The following PCNX2 variants were observed in gnomAD, a reference collection of about 807,000 sequenced individuals.
PCNX2 encodes the protein pecanex-like protein 2.
PCNX2 carries 168 observed loss-of-function variants against 223.8 expected under a neutral mutation model. That is an observed-to-expected ratio of 0.75 (90% CI 0.66 to 0.85). PCNX2 has a LOEUF of 0.85. PCNX2 is among the 40% of genes least tolerant of loss of function. The probability of loss-of-function intolerance (pLI) is 0.00; values close to 1 mark genes in which losing one functional copy is unlikely to be tolerated. For synonymous variants in PCNX2, 1,006 were observed against 1,052.6 expected (o/e 0.96, Z 0.86); for missense variants, 2,507 against 2,675.5 (o/e 0.94, Z 1.39).
intron 1 of PCNX2, among the ~76,000 whole-genome samples, chr1:233,266,290 T>A (rs76009896): frequency 0.19 from 29,441 of 152,028 alleles, 2,865 homozygotes; most frequent in South Asian, 0.25. Context: ...GGAGGATCTC[T>A]TGAGCCCAGG....
intron 17 of PCNX2, among the ~76,000 whole-genome samples, chr1:233,163,857 T>C (rs1678641588): frequency 6.6e-6 from 1 of 152,160 alleles, no homozygotes; most frequent in South Asian, 2.1e-4. Flanking sequence ...CATGGTGTCG[T>C]CTGTGTCAAC....
rs1210857192 is a variant in PCNX2, at chr1:233,253,692, C to T, written c.1835-904G>A. ...TTAGCACTGTGTAGGACACAGAGAG[C>T]TACAATACCTATTCCTTGCCCTGAG... On this transcript the variant is annotated intron_variant, in intron 5 of 33. Transcript: ENST00000258229. The surrounding 1 kb of genome is among the most constrained non-coding windows in gnomAD (Gnocchi z 4.2). Among the ~76,000 whole-genome samples the T allele has an allele frequency of 6.6e-6, 1 of 152,168 alleles. No individual in the cohort carries two copies. Among genetic ancestry groups the T allele is most frequent in the African/African-American group, 2.4e-5 (1 of 41,446 alleles).
chr1:232,994,727 G>C (rs1669817051), intron 32 of PCNX2, among the ~76,000 whole-genome samples: 1 of 152,204 alleles, frequency 6.6e-6, no homozygotes, highest in African/African-American at 2.4e-5. Flanking sequence ...GATCATGGGG[G>C]TGGTTTCCCC....
At chr1:233,216,284 G>A (rs988826569) in intron 12 of PCNX2, among the ~76,000 whole-genome samples, 21 of 152,200 alleles carry the variant, frequency 1.4e-4, no homozygotes, top group Non-Finnish European at 1.2e-4. Context: ...CAGGCTCAGA[G>A]GAAAGCACAT....
At chr1:233,130,296 C>G (rs539518894) in intron 21 of PCNX2, among the ~76,000 whole-genome samples, 122 of 152,200 alleles carry the variant, frequency 8.0e-4, no homozygotes, top group Non-Finnish European at 1.5e-3. Flanking sequence ...CGGACACACT[C>G]CTACCCCCTC....
rs759431158 is a variant in PCNX2 at position 233,262,945 on chromosome 1, T to A, written c.359+13A>T. ...TTTACATTTTGAAGTGTCACATTAATTGAAAATATTACCTTGGATTTCTGT... is the reference window on the plus strand; with the variant it reads ...TTTACATTTTGAAGTGTCACATTAAATGAAAATATTACCTTGGATTTCTGT... On this transcript the variant is annotated intron_variant, in intron 2 of 33. Coordinates refer to ENST00000258229, the MANE Select transcript of PCNX2 (RefSeq NM_014801.4). The A allele has an allele frequency of 1.2e-6, 2 of 1,609,078 alleles. No homozygotes were observed. The highest frequency in any genetic ancestry group is 1.7e-6 in the Non-Finnish European group (2 of 1,176,598).
intron 23 of PCNX2, among the ~76,000 whole-genome samples, chr1:233,085,899 C>T (rs940803539): frequency 1.3e-5 from 2 of 152,156 alleles, no homozygotes; most frequent in African/African-American, 4.8e-5. Context: ...AACCACTCAG[C>T]CCAGCCCTTC....
At position 233,218,107 on chromosome 1, in the gene PCNX2, C is replaced by T. The variant is rs1187440408; in HGVS notation, c.2582G>A (p.Ser861Asn). The T allele has an allele frequency of 6.4e-7, 1 of 1,560,020 alleles. No homozygotes were observed. The highest frequency in any genetic ancestry group is 2.4e-5 in the East Asian group (1 of 41,930). Residue 861 changes from serine (S) to asparagine (N), a missense_variant, in exon 11 of 34, where the codon AGC (serine) becomes AAC (asparagine). Coordinates refer to ENST00000258229, the MANE Select transcript of PCNX2 (RefSeq NM_014801.4). ...LVSLLGFLTL[S>N]QGFCKDMWVL... The stretch of plus-strand genomic sequence containing the variant: ...CCACATATCTTTGCAAAAGCCTTGG[C>T]TCAAGGTCAGAAATCCAAGGAGGGA...
chr1:233,047,490 A>C, intron 25 of PCNX2: 1 of 760,722 alleles, frequency 1.3e-6, no homozygotes, highest in Non-Finnish European at 1.6e-6. Flanking sequence ...TTAGCTCTAA[A>C]AGATTTTACC....
intron 32 of PCNX2, among the ~76,000 whole-genome samples, chr1:232,994,071 C>T (rs1284714688): frequency 6.6e-6 from 1 of 152,228 alleles, no homozygotes; most frequent in Non-Finnish European, 1.5e-5. Flanking sequence ...GGGGTTGGAG[C>T]CCCCAGAGTC....
intron 21 of PCNX2, among the ~76,000 whole-genome samples, chr1:233,129,458 C>T (rs116646378): frequency 0.021 from 3,211 of 152,328 alleles, 97 homozygotes; most frequent in African/African-American, 0.073. Context: ...CCTTGCTCCA[C>T]GGCACCAGGT....
At chr1:233,087,341 C>T (rs1394688290) in intron 23 of PCNX2, among the ~76,000 whole-genome samples, 1 of 152,136 alleles carries the variant, frequency 6.6e-6, no homozygotes, top group Non-Finnish European at 1.5e-5. Flanking sequence ...GGCGGCAGTT[C>T]ATGGTGGTAA....
intron 23 of PCNX2, among the ~76,000 whole-genome samples, chr1:233,066,652 T>C (rs1345085294): frequency 1.3e-5 from 2 of 152,148 alleles, no homozygotes; most frequent in East Asian, 3.9e-4. Context: ...TTACCCAGGA[T>C]ATGGGATCCA....
the PCNX2 span, among the ~76,000 whole-genome samples, chr1:233,322,328 T>C: frequency 6.6e-6 from 1 of 152,194 alleles, no homozygotes; most frequent in Non-Finnish European, 1.5e-5. Context: ...TTACAGTACA[T>C]GCCTATGAGT....
chr1:233,254,867 C>T (rs568370384), intron 5 of PCNX2, among the ~76,000 whole-genome samples: 1 of 151,682 alleles, frequency 6.6e-6, no homozygotes, highest in East Asian at 1.9e-4. Context: ...TTAAATAGAC[C>T]CTGACTATAA....
intron 15 of PCNX2, among the ~76,000 whole-genome samples, chr1:233,185,946 C>T (rs993075280): frequency 3.3e-5 from 5 of 152,178 alleles, no homozygotes; most frequent in African/African-American, 1.2e-4. Context: ...AATAGTCCTA[C>T]AATTCTGTGG....
intron 1 of PCNX2, chr1:233,294,041 T>C (rs1661927274): frequency 1.0e-6 from 1 of 964,908 alleles, no homozygotes. Context: ...ATGCTTTTTA[T>C]ATATAATTTT....
chr1:233,105,310 C>T (rs61267491), intron 21 of PCNX2, among the ~76,000 whole-genome samples: 2 of 152,082 alleles, frequency 1.3e-5, no homozygotes, highest in African/African-American at 4.8e-5. Flanking sequence ...CTGTATGTTG[C>T]TCAATTGGTG....
At chr1:233,248,794 C>A (rs1008459491) in intron 8 of PCNX2, among the ~76,000 whole-genome samples, 10 of 152,168 alleles carry the variant, frequency 6.6e-5, no homozygotes, top group Non-Finnish European at 1.3e-4. Context: ...ACACGCCTCA[C>A]AAGAAAGTTC....
Sources: allele counts gnomAD v4.1 joint callset (sites outside exome capture counted in the v4.1 genomes callset), GRCh38; gene constraint gnomAD v4.1.1; non-coding constraint Gnocchi (gnomAD v3.1); transcripts MANE v1.5; gene names NCBI Gene and HGNC (gene_info 2026-07-23, HGNC 2026-07-21).